CMPK1: variants seen among roughly 807,000 people sequenced by gnomAD.
CMPK1 encodes the protein cytidine/uridine monophosphate kinase 1, also known as UMP-CMP kinase.
A neutral mutation model predicts 25.7 loss-of-function variants in CMPK1; 10 were observed. The ratio of observed to expected loss-of-function variants is 0.39; its 90% CI spans 0.24 to 0.66. CMPK1 has a LOEUF of 0.66. CMPK1 is among the 30% of genes least tolerant of loss of function. The pLI, the probability that CMPK1 is intolerant of heterozygous loss-of-function variation, is 0.48. For missense variants in CMPK1, 199 were observed against 280.5 expected (o/e 0.71, Z 2.08); for synonymous variants, 106 against 101.5 (o/e 1.04, Z -0.27).
intron 1 of CMPK1, among the ~76,000 whole-genome samples, chr1:47,360,891 T>C (rs776124398): frequency 5.9e-5 from 9 of 152,130 alleles, no homozygotes; most frequent in Non-Finnish European, 1.2e-4. Context: ...GTCCCTGGCA[T>C]AGATTGTGCT....
intron 1 of CMPK1, among the ~76,000 whole-genome samples, chr1:47,334,913 A>G (rs1400017248): frequency 1.3e-5 from 2 of 152,182 alleles, no homozygotes; most frequent in African/African-American, 4.8e-5. Flanking sequence ...CACCTCCCAA[A>G]TGTAAAATGC....
At chr1:47,337,658 G>A (rs1454565289) in intron 1 of CMPK1, among the ~76,000 whole-genome samples, 4 of 151,050 alleles carry the variant, frequency 2.6e-5, no homozygotes, top group Non-Finnish European at 5.9e-5. Flanking sequence ...CTGTCGGCCA[G>A]GCTGGTGTGC....
At chr1:47,341,241 T>C (rs1646438786) in intron 1 of CMPK1, among the ~76,000 whole-genome samples, 1 of 152,230 alleles carries the variant, frequency 6.6e-6, no homozygotes, top group South Asian at 2.1e-4. Flanking sequence ...AATGTTCTTG[T>C]GAACAAAAAT....
rs182462450 is a variant in CMPK1, at chr1:47,365,085, C to T, written c.172-3384C>T. 3.6e-3 allele frequency among the ~76,000 whole-genome samples: 551 copies of T among 152,180 alleles called. 5 individuals are homozygous for T. The highest frequency in any genetic ancestry group is 0.012 in the African/African-American group (512 of 41,508). On this transcript the variant is annotated intron_variant, in intron 1 of 5. Coordinates refer to ENST00000371873, the MANE Select transcript of CMPK1 (RefSeq NM_016308.3). ...CGTACCCAATAGTTTTAATTCACTT[C>T]AGTTGCTTTAAAAATACATTTGTAT...
chr1:47,376,539 C>A (rs1429353668), intron 5 of CMPK1, among the ~76,000 whole-genome samples, 165 bp from the exon 6 acceptor site: 1 of 152,128 alleles, frequency 6.6e-6, no homozygotes, highest in Non-Finnish European at 1.5e-5. Flanking sequence ...TGGTCTTGAA[C>A]TCCTGAACTC....
intron 1 of CMPK1, among the ~76,000 whole-genome samples, chr1:47,351,851 T>C (rs958669183): frequency 2.0e-5 from 3 of 152,034 alleles, no homozygotes; most frequent in African/African-American, 7.2e-5. Flanking sequence ...AAAAATTGTC[T>C]TTGGCCGGGT....
intron 1 of CMPK1, among the ~76,000 whole-genome samples, chr1:47,343,507 CA>C (rs10717198): frequency 0.74 from 105,906 of 143,202 alleles, 39,719 homozygotes; most frequent in Non-Finnish European, 0.82. Context: ...GACTCCGTCT[CA>C]AAAAAAAAAA....
At position 47,358,313 on chromosome 1, in the gene CMPK1, A is replaced by G. The variant is rs922672566; in HGVS notation, c.172-10156A>G. 32 of 631,292 alleles carry G rather than the reference A, an allele frequency of 5.1e-5. 1 individual carries two copies. Among genetic ancestry groups the G allele is most frequent in the South Asian group, 8.8e-5 (6 of 67,856 alleles). The allele number at this position is 631,292 out of a possible 1,614,324, so 39.1% of individuals were successfully genotyped here. On this transcript the variant is annotated intron_variant, in intron 1 of 5. Coordinates refer to ENST00000371873, the MANE Select transcript of CMPK1 (RefSeq NM_016308.3). Reference sequence around the variant, plus strand: ...TTTTTTGTAGGGATGACATCTTGCTATGGTGCATAGGCTGATCTCAAACTC... The same window carrying G: ...TTTTTTGTAGGGATGACATCTTGCTGTGGTGCATAGGCTGATCTCAAACTC...
At chr1:47,339,776 C>T (rs1398816771) in intron 1 of CMPK1, among the ~76,000 whole-genome samples, 1 of 143,194 alleles carries the variant, frequency 7.0e-6, no homozygotes, top group South Asian at 2.2e-4. Context: ...GGCATGATCT[C>T]GGCTCACCGC....
intron 1 of CMPK1, among the ~76,000 whole-genome samples, chr1:47,351,292 G>A (rs1300362344): frequency 6.6e-6 from 1 of 152,038 alleles, no homozygotes; most frequent in Admixed American, 6.5e-5. Flanking sequence ...TGTTAGCCAG[G>A]GTGGTCTCGA....
rs1357529411 is a variant in CMPK1 at position 47,361,420 on chromosome 1, A to G, written c.172-7049A>G. Among the ~76,000 whole-genome samples the G allele has an allele frequency of 6.6e-5, 10 of 152,126 alleles. No individual in the cohort carries two copies. In the East Asian group the frequency reaches 1.7e-3, roughly 26 times the overall value. ...AAATACATAAATAAAATAAGGTGGAATTTGGCTCTTTAGGTCAAAGGCGAA... is the reference window on the plus strand; with the variant it reads ...AAATACATAAATAAAATAAGGTGGAGTTTGGCTCTTTAGGTCAAAGGCGAA... On this transcript the variant is annotated intron_variant, in intron 1 of 5. Coordinates refer to ENST00000371873, the MANE Select transcript of CMPK1 (RefSeq NM_016308.3).
intron 3 of CMPK1, among the ~76,000 whole-genome samples, chr1:47,374,100 G>C (rs1388018598): frequency 1.3e-5 from 2 of 152,156 alleles, no homozygotes; most frequent in African/African-American, 4.8e-5. Flanking sequence ...GTCTCACTCT[G>C]TTGCCCAGGC....
intron 1 of CMPK1, among the ~76,000 whole-genome samples, chr1:47,335,435 G>A (rs1035459582): frequency 2.0e-5 from 3 of 151,990 alleles, no homozygotes; most frequent in Non-Finnish European, 4.4e-5. Flanking sequence ...TCAGGAGTTC[G>A]AGACCAGCCT....
chr1:47,365,633 C>CAA (rs10623948), intron 1 of CMPK1, among the ~76,000 whole-genome samples: 2,011 of 108,344 alleles, frequency 0.019, 100 homozygotes, highest in African/African-American at 0.068. Context: ...GACCCTGTCT[C>CAA]AAAAAAAAAA....
At chr1:47,337,320 GAAATA>G (rs1646406277) in intron 1 of CMPK1, among the ~76,000 whole-genome samples, 1 of 151,392 alleles carries the variant, frequency 6.6e-6, no homozygotes, top group South Asian at 2.1e-4. Flanking sequence ...ATACATAAAT[GAAATA>G]ATCTACACAT....
chr1:47,338,345 A>G (rs1447820431), intron 1 of CMPK1, among the ~76,000 whole-genome samples: 2 of 152,184 alleles, frequency 1.3e-5, no homozygotes, highest in South Asian at 2.1e-4. Flanking sequence ...CTGCTCTGCA[A>G]ATTGCTCCTG....
chr1:47,346,264 G>T (rs922803513), intron 1 of CMPK1, among the ~76,000 whole-genome samples: 3 of 151,740 alleles, frequency 2.0e-5, no homozygotes, highest in Non-Finnish European at 4.4e-5. Context: ...TGGCCAGGCT[G>T]GTCTCGAACT....
At position 47,376,712 on chromosome 1, in the gene CMPK1, T is replaced by G; in HGVS notation, c.654T>G (p.Asp218Glu). ...ATCTTTTTCCTTTACAGGTTTTTGA[T>G]GAAGTTGTGCAGATTTTTGACAAGG... Reference protein sequence around the residue: ...DASKSVDEVFDEVVQIFDKEG With the variant: ...DASKSVDEVFEEVVQIFDKEG Residue 218 changes from aspartate to glutamate, a missense_variant, in exon 6 of 6, where the codon GAT becomes GAG. By Grantham distance (45) the Asp-to-Glu change is conservative. This residue lies in a region of CMPK1 where 140 missense variants were observed against 235.5 expected (regional missense o/e 0.59). Coordinates refer to ENST00000371873, the MANE Select transcript of CMPK1 (RefSeq NM_016308.3). The G allele has an allele frequency of 6.3e-7, 1 of 1,582,688 alleles. No homozygotes were observed. Among genetic ancestry groups the G allele is most frequent in the East Asian group, 2.3e-5 (1 of 44,390 alleles).
In CMPK1 at chr1:47,364,369, G is replaced by A. The variant is rs958494779; in HGVS notation, c.172-4100G>A. Among the ~76,000 whole-genome samples the A allele has an allele frequency of 1.1e-4, 16 of 152,032 alleles. No homozygotes were observed. The East Asian group carries it at 2.3e-3, about 22-fold the overall frequency. ...GTCTTGCTCTGTCACCCAGGCTGGC[G>A]TGCAGTGGCGCAATCTCAGCTCACT... On this transcript the variant is annotated intron_variant, in intron 1 of 5. Transcript: ENST00000371873.
Sources: gnomAD v4.1 joint callset for allele counts (sites outside exome capture counted in the v4.1 genomes callset) on GRCh38, gnomAD v4.1.1 for gene constraint, gnomAD v4.1.1 regional missense constraint, MANE v1.5 for transcripts, NCBI Gene and HGNC (gene_info 2026-07-23, HGNC 2026-07-21) for gene names.